The following ZRANB3 variants were observed in gnomAD, a reference collection of about 807,000 sequenced individuals.
ZRANB3 encodes the protein DNA annealing helicase and endonuclease ZRANB3.
In ZRANB3, 125 loss-of-function variants were observed where a neutral mutation model predicts 133.8. That is an observed-to-expected ratio of 0.93 (90% CI 0.81 to 1.08). The LOEUF is 1.08. Ranked by LOEUF, ZRANB3 falls within the 50% of genes least tolerant of loss-of-function variation. ZRANB3 has a pLI of 0.00. For missense variants in ZRANB3, 1,229 were observed against 1,275.5 expected (o/e 0.96, Z 0.56); for synonymous variants, 387 against 432.7 (o/e 0.89, Z 1.31).
At chr2:135,504,606 C>T (rs529056342) in intron 1 of ZRANB3, 110 bp from the exon 2 acceptor site, 1 of 985,744 alleles carries the variant, frequency 1.0e-6, no homozygotes, top group East Asian at 2.7e-5. Context: ...ATAGCTTTGA[C>T]ATACCATTTA....
intron 6 of ZRANB3, among the ~76,000 whole-genome samples, chr2:135,340,541 A>C (rs747967615): frequency 1.3e-5 from 2 of 152,118 alleles, no homozygotes; most frequent in Non-Finnish European, 2.9e-5. Context: ...TATCTACCTA[A>C]GTTCAGAAAA....
intron 12 of ZRANB3, among the ~76,000 whole-genome samples, chr2:135,238,383 T>C (rs1329243845): frequency 6.7e-6 from 1 of 150,178 alleles, no homozygotes; most frequent in Admixed American, 6.7e-5. Flanking sequence ...GTTAAAGTAA[T>C]GCTGTGTGAC....
At chr2:135,423,544 C>T (rs1688952774) in intron 2 of ZRANB3, among the ~76,000 whole-genome samples, 1 of 152,196 alleles carries the variant, frequency 6.6e-6, no homozygotes. Flanking sequence ...ATCACATCTG[C>T]AAAGACCTTA....
intron 16 of ZRANB3, among the ~76,000 whole-genome samples, chr2:135,218,376 T>C (rs931776363): frequency 2.0e-5 from 3 of 152,092 alleles, no homozygotes; most frequent in Non-Finnish European, 4.4e-5. Context: ...GGGTTACCAG[T>C]CAAGTATACA....
intron 8 of ZRANB3, among the ~76,000 whole-genome samples, chr2:135,309,240 C>T (rs1278619030): frequency 2.6e-5 from 4 of 152,094 alleles, no homozygotes; most frequent in African/African-American, 7.2e-5. Context: ...CTCGGCTTCC[C>T]AAAGTGCTGG....
At chr2:135,284,463 GTTTGT>G (rs2104785375) in intron 8 of ZRANB3, among the ~76,000 whole-genome samples, 1 of 152,244 alleles carries the variant, frequency 6.6e-6, no homozygotes, top group South Asian at 2.1e-4. Flanking sequence ...ACCTTTCCTT[GTTTGT>G]TTTGTTTGTT....
intron 1 of ZRANB3, among the ~76,000 whole-genome samples, chr2:135,528,884 C>T (rs182393579): frequency 5.2e-4 from 79 of 152,162 alleles, no homozygotes; most frequent in Non-Finnish European, 5.0e-4. Flanking sequence ...TTAGTAAAAA[C>T]AATGCAAAGA....
intron 1 of ZRANB3, among the ~76,000 whole-genome samples, chr2:135,508,739 T>C (rs1042735790): frequency 6.6e-6 from 1 of 152,128 alleles, no homozygotes; most frequent in African/African-American, 2.4e-5. Flanking sequence ...TTTCTATTTA[T>C]AGGATCTAAA....
At chr2:135,493,675 GAC>G (rs1415521148) in intron 2 of ZRANB3, among the ~76,000 whole-genome samples, 1 of 152,096 alleles carries the variant, frequency 6.6e-6, no homozygotes, top group East Asian at 1.9e-4. Flanking sequence ...ATCAAATGTT[GAC>G]AGAGATGTGG....
At chr2:135,206,248 T>C (rs1382180298) in intron 19 of ZRANB3, among the ~76,000 whole-genome samples, 2 of 152,016 alleles carry the variant, frequency 1.3e-5, no homozygotes, top group South Asian at 2.1e-4. Context: ...AATACTTTTT[T>C]TTTTTTTTGG....
Position 135,343,010 on chromosome 2 carries a change from CAA to C in ZRANB3, c.677+2538_677+2539del, listed in dbSNP as rs11435525. Among the ~76,000 whole-genome samples the C allele has an allele frequency of 6.0e-3, 331 of 55,232 alleles. 21 individuals carry two copies. The highest frequency in any genetic ancestry group is 0.026 in the African/African-American group (296 of 11,374). The allele number at this position is 55,232 out of a possible 152,430, so 36.2% of individuals were successfully genotyped here. A position where few individuals can be genotyped will look rare whatever the true frequency, so the allele number is the denominator to read the frequency against. The stretch of plus-strand genomic sequence containing the variant: ...CGAAACCCTGTCTCTACTAAAAATC[CAA>C]AAAAAAAAAAAAAAAAAAAAAAACA... On this transcript the variant is annotated intron_variant, in intron 6 of 20. Coordinates refer to ENST00000264159, the MANE Select transcript of ZRANB3 (RefSeq NM_032143.4).
At chr2:135,234,026 A>G (rs1397029547) in intron 12 of ZRANB3, among the ~76,000 whole-genome samples, 1 of 152,238 alleles carries the variant, frequency 6.6e-6, no homozygotes, top group Non-Finnish European at 1.5e-5. Context: ...AAGACCCATC[A>G]GTGTGCTGTA....
intron 2 of ZRANB3, among the ~76,000 whole-genome samples, chr2:135,400,124 C>A (rs931901700): frequency 6.6e-6 from 1 of 152,020 alleles, no homozygotes; most frequent in African/African-American, 2.4e-5. Context: ...CCTATAATCC[C>A]AGCTACTCGG....
chr2:135,227,731 G>T, intron 14 of ZRANB3, 81 bp downstream of exon 14: 1 of 1,377,872 alleles, frequency 7.3e-7, no homozygotes, highest in Non-Finnish European at 1.0e-6. Context: ...GAACAAGGTA[G>T]TAATTACTAA....
chr2:135,355,359 TC>T (rs1244867060), intron 3 of ZRANB3: 58 of 501,606 alleles, frequency 1.2e-4, no homozygotes, highest in South Asian at 4.3e-4. Flanking sequence ...CAATCACAGA[TC>T]TTTTTTTTTT....
At chr2:135,456,328 G>T (rs1290467672) in intron 2 of ZRANB3, among the ~76,000 whole-genome samples, 1 of 152,170 alleles carries the variant, frequency 6.6e-6, no homozygotes, top group Admixed American at 6.5e-5. Flanking sequence ...AGCTGGCAAG[G>T]GGGAATAGCA....
chr2:135,500,513 A>C (rs931619236), intron 2 of ZRANB3, among the ~76,000 whole-genome samples: 1 of 152,150 alleles, frequency 6.6e-6, no homozygotes, highest in African/African-American at 2.4e-5. Flanking sequence ...AACAAGATAC[A>C]AAAGAATATA....
chr2:135,404,887 G>A (rs1189806371), intron 2 of ZRANB3, among the ~76,000 whole-genome samples: 1 of 152,116 alleles, frequency 6.6e-6, no homozygotes, highest in African/African-American at 2.4e-5. Flanking sequence ...AAAGACCATC[G>A]AGGCTAGGAA....
chr2:135,246,039 C>CTTT lies in ZRANB3; in HGVS notation c.1540-15115_1540-15113dup, dbSNP rs569950745. ...TTCTTTTCTTTTCTTTTCTTTCTTT[C>CTTT]TTTTTTTTTTTTTTTTTGAGACAGA... On this transcript the variant is annotated intron_variant, in intron 12 of 20. Coordinates refer to ENST00000264159, the MANE Select transcript of ZRANB3 (RefSeq NM_032143.4). 2.5e-3 allele frequency among the ~76,000 whole-genome samples: 248 copies of CTTT among 100,424 alleles called. 8 individuals carry two copies. The highest frequency in any genetic ancestry group is 9.2e-3 in the African/African-American group (232 of 25,086). 65.9% of individuals were successfully genotyped at this position (100,424 alleles called of 152,430 possible). A position where few individuals can be genotyped will look rare whatever the true frequency, so the allele number is the denominator to read the frequency against.
Sources: gnomAD v4.1 joint callset for allele counts (sites outside exome capture counted in the v4.1 genomes callset) on GRCh38, gnomAD v4.1.1 for gene constraint, MANE v1.5 for transcripts, NCBI Gene and HGNC (gene_info 2026-07-23, HGNC 2026-07-21) for gene names.